The following IL16 variants were observed in gnomAD, a reference collection of about 807,000 sequenced individuals.
The protein encoded by IL16 is interleukin 16.
A neutral mutation model predicts 110.1 loss-of-function variants in IL16; 67 were observed. The observed-to-expected ratio is 0.61, with a 90% CI of 0.50 to 0.75. IL16 has a LOEUF of 0.75. Ranked by LOEUF, IL16 falls within the 30% of genes least tolerant of loss-of-function variation. The probability of loss-of-function intolerance (pLI) is 0.00; values close to 1 mark genes in which losing one functional copy is unlikely to be tolerated. For synonymous variants in IL16, 689 were observed against 662.9 expected (o/e 1.04, Z -0.61); for missense variants, 1,545 against 1,655.0 (o/e 0.93, Z 1.15).
intron 1 of IL16, among the ~76,000 whole-genome samples, chr15:81,206,812 A>G (rs373466487): frequency 6.6e-6 from 1 of 152,278 alleles, no homozygotes; most frequent in South Asian, 2.1e-4. Context: ...TGTATTTCAC[A>G]ATTCCTGGGT....
At chr15:81,223,607 A>T (rs1896690988) in intron 1 of IL16, among the ~76,000 whole-genome samples, 1 of 152,204 alleles carries the variant, frequency 6.6e-6, no homozygotes, top group South Asian at 2.1e-4. Context: ...TAAAATGAGG[A>T]TATTGATGGA....
chr15:81,242,955 A>G (rs1475298815), intron 2 of IL16, among the ~76,000 whole-genome samples: 1 of 151,340 alleles, frequency 6.6e-6, no homozygotes, highest in Non-Finnish European at 1.5e-5. Context: ...ATTTTTTTGC[A>G]TTCATTGATA....
intron 1 of IL16, among the ~76,000 whole-genome samples, chr15:81,205,874 G>A (rs1807633251): frequency 6.6e-6 from 1 of 152,106 alleles, no homozygotes; most frequent in Non-Finnish European, 1.5e-5. Flanking sequence ...TGTTAATTTT[G>A]TCAGACAAAA....
intron 2 of IL16, among the ~76,000 whole-genome samples, chr15:81,227,184 C>A (rs996482641): frequency 6.6e-6 from 1 of 151,986 alleles, no homozygotes; most frequent in Non-Finnish European, 1.5e-5. Context: ...AAGCCAGGCA[C>A]GGGAGTGAGC....
Position 81,226,690 on chromosome 15 carries a change from C to A in IL16, c.312+979C>A, listed in dbSNP as rs557390062. On this transcript the variant is annotated intron_variant, in intron 2 of 18. Coordinates refer to ENST00000683961, the MANE Select transcript of IL16 (RefSeq NM_172217.5). ...CTCCACAGCATCCTTAAGAGCCTCA[C>A]CCAGCCCAGTCTGCTCTATAACCCA... 2.6e-4 allele frequency among the ~76,000 whole-genome samples: 39 copies of A among 152,306 alleles called. 2 individuals are homozygous for A. The East Asian group carries it at 7.5e-3, about 29-fold the overall frequency.
intron 2 of IL16, among the ~76,000 whole-genome samples, chr15:81,258,745 C>G (rs561493908): frequency 1.3e-5 from 2 of 150,228 alleles, no homozygotes; most frequent in South Asian, 4.2e-4. Flanking sequence ...CTCTCTCTCT[C>G]TCTGTCACTC....
chr15:81,182,925 G>A, intron 1 of IL16: 4 of 1,276,018 alleles, frequency 3.1e-6, no homozygotes, highest in Non-Finnish European at 3.1e-6. Context: ...CCTATCCCAG[G>A]GGACTCAGGG....
At chr15:81,275,817 A>T (rs1898884927) in intron 6 of IL16, among the ~76,000 whole-genome samples, 1 of 152,248 alleles carries the variant, frequency 6.6e-6, no homozygotes, top group African/African-American at 2.4e-5. Context: ...GGGCAAATAC[A>T]TTAGTTGCAA....
At chr15:81,193,505 A>G (rs576431611), upstream of IL16, among the ~76,000 whole-genome samples, 44 of 152,230 alleles carry the variant, frequency 2.9e-4, no homozygotes, top group African/African-American at 9.6e-4. Flanking sequence ...CGTGATTGTA[A>G]GTATCTTAGT....
At chr15:81,305,852 A>G in intron 16 of IL16, 56 bp from the exon 17 acceptor site, 9 of 1,583,924 alleles carry the variant, frequency 5.7e-6, no homozygotes, top group Non-Finnish European at 7.7e-6. Context: ...TCCTCCAGCA[A>G]GTATGTGGAC....
chr15:81,290,615 T>C (rs745885013), intron 11 of IL16, 75 bp downstream of exon 11: 7 of 984,148 alleles, frequency 7.1e-6, no homozygotes, highest in Non-Finnish European at 9.4e-6. Flanking sequence ...CATTAACTCA[T>C]CCTCTATCCA....
chr15:81,186,708 A>G (rs571241152), intron 1 of IL16, among the ~76,000 whole-genome samples: 1 of 152,378 alleles, frequency 6.6e-6, no homozygotes, highest in Admixed American at 6.5e-5. Context: ...TGTAGTCAAC[A>G]TACCTATGTC....
Position 81,183,947 on chromosome 15 carries a change from G to A in IL16, c.40+1051G>A, listed in dbSNP as rs569327779. On this transcript the variant is annotated intron_variant, in intron 1 of 18. Coordinates refer to the IL16 transcript ENST00000302987. Reference sequence around the variant, plus strand: ...GTGAAATGACCCAAATGGCATGTACGTATTCAGAGGATATGTCAGCTCTCC... The same window carrying A: ...GTGAAATGACCCAAATGGCATGTACATATTCAGAGGATATGTCAGCTCTCC... Among the ~76,000 whole-genome samples the A allele has an allele frequency of 6.6e-5, 10 of 152,310 alleles. No homozygotes were observed. In the South Asian group the frequency reaches 1.4e-3, roughly 22 times the overall value.
Position 81,257,652 on chromosome 15 carries a change from G to T in IL16, c.313-2120G>T, listed in dbSNP as rs149407054. Among the ~76,000 whole-genome samples, 1,169 of 152,310 alleles carry T rather than the reference G, an allele frequency of 7.7e-3. 19 individuals are homozygous for T. The highest frequency in any genetic ancestry group is 0.026 in the African/African-American group (1,092 of 41,556). On this transcript the variant is annotated intron_variant, in intron 2 of 18. Transcript: ENST00000683961. Reference sequence around the variant, plus strand: ...CTGAGGGTGGGTTATTTGGCACACAGCGAGAGGCAAGCATAGATCCTCCCT... The same window carrying T: ...CTGAGGGTGGGTTATTTGGCACACATCGAGAGGCAAGCATAGATCCTCCCT...
intron 1 of IL16, among the ~76,000 whole-genome samples, chr15:81,206,863 A>ATGATGATG (rs1896035813): frequency 8.5e-6 from 1 of 118,250 alleles, no homozygotes; most frequent in Non-Finnish European, 1.7e-5. Context: ...TCGGGCTTTA[A>ATGATGATG]ATAATGATGA....
chr15:81,232,042 G>GTTTTTTTTTTT lies in IL16; in HGVS notation c.312+6345_312+6355dup. Among the ~76,000 whole-genome samples, 115 of 57,638 alleles carry GTTTTTTTTTTT rather than the reference G, an allele frequency of 2.0e-3. 3 individuals are homozygous for GTTTTTTTTTTT. The highest frequency in any genetic ancestry group is 6.8e-3 in the African/African-American group (105 of 15,484). 37.8% of individuals were successfully genotyped at this position (57,638 alleles called of 152,430 possible). ...ATGTAAGTCCTCCACATTTGTTCTT[G>GTTTTTTTTTTT]TTTTTTTTTTTTTTTTTTTTTTTTC... On this transcript the variant is annotated intron_variant, in intron 2 of 18. Transcript: ENST00000683961.
Position 81,313,168 on chromosome 15 carries a change from T to C in IL16, c.*4370T>C, listed in dbSNP as rs1442733475. On this transcript the variant is annotated 3_prime_UTR_variant, in exon 19 of 19. Transcript: ENST00000683961. Reference sequence around the variant, plus strand: ...TTGTTCCAAAGAGTGAACACAGGCCTCTGCGTGCTCCCAGGCTCCTTGGTG... The same window carrying C: ...TTGTTCCAAAGAGTGAACACAGGCCCCTGCGTGCTCCCAGGCTCCTTGGTG... 2.8e-6 allele frequency: 4 copies of C among 1,416,430 alleles called. No individual in the cohort carries two copies. Among genetic ancestry groups the C allele is most frequent in the Non-Finnish European group, 3.7e-6 (4 of 1,069,060 alleles). 87.7% of individuals were successfully genotyped at this position (1,416,430 alleles called of 1,614,324 possible).
intron 1 of IL16, among the ~76,000 whole-genome samples, chr15:81,197,612 C>T (rs933425612): frequency 2.6e-5 from 4 of 152,174 alleles, no homozygotes; most frequent in African/African-American, 7.2e-5. Flanking sequence ...GGCATCTCTG[C>T]AGATTGACCA....
chr15:81,198,836 A>G (rs1312717867), intron 1 of IL16, among the ~76,000 whole-genome samples: 6 of 151,018 alleles, frequency 4.0e-5, no homozygotes, highest in East Asian at 2.0e-4. Flanking sequence ...GCTGGCCAAC[A>G]TGGTGAAACC....
Sources: allele counts gnomAD v4.1 joint callset (sites outside exome capture counted in the v4.1 genomes callset), GRCh38; gene constraint gnomAD v4.1.1; transcripts MANE v1.5; gene names NCBI Gene and HGNC (gene_info 2026-07-23, HGNC 2026-07-21).